ROBO2: variants seen among roughly 807,000 people sequenced by gnomAD.
ROBO2 encodes the protein roundabout guidance receptor 2, also known as roundabout homolog 2.
ROBO2 carries 53 observed loss-of-function variants against 160.8 expected under a neutral mutation model. That is an observed-to-expected ratio of 0.33 (90% CI 0.26 to 0.41). The LOEUF is 0.41. Among genes scored for constraint, ROBO2 ranks in the 10% least tolerant of loss-of-function variants. The pLI, the probability that ROBO2 is intolerant of heterozygous loss-of-function variation, is 1.00. For missense variants in ROBO2, 1,577 were observed against 1,722.4 expected (o/e 0.92, Z 1.49); for synonymous variants, 664 against 611.7 (o/e 1.09, Z -1.26).
chr3:76,367,881 A>G (rs1432322154), intron 2 of ROBO2, among the ~76,000 whole-genome samples: 1 of 151,776 alleles, frequency 6.6e-6, no homozygotes, highest in Non-Finnish European at 1.5e-5. Flanking sequence ...ACAAGGAAAT[A>G]TTTATCAATA....
intron 2 of ROBO2, among the ~76,000 whole-genome samples, chr3:77,001,271 G>A (rs376853552): frequency 2.4e-4 from 36 of 152,160 alleles, no homozygotes; most frequent in African/African-American, 8.2e-4. Context: ...AATGCCAGTA[G>A]TATCAGAGTT....
At chr3:76,261,798 T>A (rs531620555) in intron 2 of ROBO2, among the ~76,000 whole-genome samples, 1 of 152,130 alleles carries the variant, frequency 6.6e-6, no homozygotes, top group African/African-American at 2.4e-5. Flanking sequence ...CTATTTGAAA[T>A]AGCAATTCCT....
chr3:76,436,650 A>G (rs1255853505), intron 2 of ROBO2, among the ~76,000 whole-genome samples: 4 of 152,306 alleles, frequency 2.6e-5, no homozygotes, highest in Middle Eastern at 3.4e-3. Flanking sequence ...AGTTATACAG[A>G]AAATAGAATA....
At chr3:76,631,155 A>G (rs1192727466) in intron 2 of ROBO2, among the ~76,000 whole-genome samples, 1 of 152,222 alleles carries the variant, frequency 6.6e-6, no homozygotes, top group Non-Finnish European at 1.5e-5. Flanking sequence ...AGGCTATAGT[A>G]CATTTTATGA....
At chr3:76,240,755 C>G (rs1705236849) in intron 2 of ROBO2, among the ~76,000 whole-genome samples, 2 of 151,908 alleles carry the variant, frequency 1.3e-5, no homozygotes, top group Admixed American at 1.3e-4. Flanking sequence ...TTATCATTAT[C>G]CAATTGGTAG....
At chr3:76,805,598 A>T (rs1028065362) in intron 2 of ROBO2, among the ~76,000 whole-genome samples, 1 of 151,912 alleles carries the variant, frequency 6.6e-6, no homozygotes, top group African/African-American at 2.4e-5. Context: ...CAATTTTAGT[A>T]GTAACATAGA....
intron 2 of ROBO2, among the ~76,000 whole-genome samples, chr3:77,020,747 G>T (rs142439980): frequency 6.6e-6 from 1 of 152,230 alleles, no homozygotes; most frequent in East Asian, 1.9e-4. Context: ...ACTATAAAGC[G>T]CTATGCAGAG....
chr3:76,670,090 T>C (rs552014848), intron 2 of ROBO2, among the ~76,000 whole-genome samples: 43 of 152,308 alleles, frequency 2.8e-4, no homozygotes, highest in African/African-American at 1.0e-3. Context: ...TTTATATTGA[T>C]TTGATAACTC....
intron 2 of ROBO2, among the ~76,000 whole-genome samples, chr3:76,009,502 TTCTGGGGTAGCATGTTCTGAACCCAATGC>T (rs2066133203): frequency 6.6e-6 from 1 of 152,186 alleles, no homozygotes; most frequent in Non-Finnish European, 1.5e-5. Flanking sequence ...AGGTGCCATA[TTCTGGGGTAGCATGTTCTGAACCCAATGC>T]TCTGGGGTAG....
intron 2 of ROBO2, among the ~76,000 whole-genome samples, chr3:76,221,993 C>A (rs1703997697): frequency 6.6e-6 from 1 of 152,122 alleles, no homozygotes; most frequent in African/African-American, 2.4e-5. Context: ...GCTGATCACC[C>A]TGGGGAATAA....
chr3:76,320,061 T>C (rs1287037464), intron 2 of ROBO2, among the ~76,000 whole-genome samples: 2 of 152,108 alleles, frequency 1.3e-5, no homozygotes, highest in Admixed American at 1.3e-4. Flanking sequence ...TAGTCCAATT[T>C]GCTATTTAAA....
chr3:77,547,104 G>A (rs2092726632), intron 7 of ROBO2, among the ~76,000 whole-genome samples: 1 of 151,858 alleles, frequency 6.6e-6, no homozygotes, highest in Non-Finnish European at 1.5e-5. Context: ...GCCCTCTCTG[G>A]GCAACATGGC....
intron 2 of ROBO2, among the ~76,000 whole-genome samples, chr3:76,753,576 A>G (rs1476759899): frequency 2.6e-5 from 4 of 151,894 alleles, no homozygotes. Context: ...ATCTAAAACA[A>G]TTTCTTCAAA....
At chr3:76,147,046 T>A (rs2071936625) in intron 2 of ROBO2, among the ~76,000 whole-genome samples, 1 of 151,266 alleles carries the variant, frequency 6.6e-6, no homozygotes. Flanking sequence ...GGTAAAATAA[T>A]CTGTACAGCA....
intron 2 of ROBO2, among the ~76,000 whole-genome samples, chr3:77,253,696 G>A (rs2090626825): frequency 6.6e-6 from 1 of 152,136 alleles, no homozygotes; most frequent in Non-Finnish European, 1.5e-5. Flanking sequence ...AATGTCATCA[G>A]AGAGGCAATG....
chr3:76,452,310 A>G (rs901620876), intron 2 of ROBO2, among the ~76,000 whole-genome samples: 6 of 151,962 alleles, frequency 3.9e-5, no homozygotes, highest in Non-Finnish European at 8.8e-5. Context: ...TGTATCTCCT[A>G]ATGCTATCCC....
intron 2 of ROBO2, among the ~76,000 whole-genome samples, chr3:76,412,043 A>G (rs986569196): frequency 3.3e-5 from 5 of 152,190 alleles, no homozygotes; most frequent in Admixed American, 2.6e-4. Flanking sequence ...ACAGTTCCAC[A>G]TGGCTGGGGA....
chr3:77,561,767 G>A (rs891825687), intron 9 of ROBO2, among the ~76,000 whole-genome samples: 1 of 151,890 alleles, frequency 6.6e-6, no homozygotes, highest in Non-Finnish European at 1.5e-5. Flanking sequence ...TTACATATAA[G>A]TGAATATTGA....
rs5850279 is a variant in ROBO2, at chr3:76,654,929, T to TA, written c.110-443085_110-443084insA. On this transcript the variant is annotated intron_variant, in intron 2 of 26. Transcript: ENST00000487694. ...TATGTGTGTGTATATATATATATAT[T>TA]TATATATATAAATTTAAAGTTCAAA... Among the ~76,000 whole-genome samples, 1,213 of 141,420 alleles carry TA rather than the reference T, an allele frequency of 8.6e-3. 22 individuals carry two copies. Among genetic ancestry groups the TA allele is most frequent in the South Asian group, 0.03 (132 of 4,372 alleles). 92.8% of individuals were successfully genotyped at this position (141,420 alleles called of 152,430 possible).
Sources: allele counts gnomAD v4.1 joint callset (sites outside exome capture counted in the v4.1 genomes callset), GRCh38; gene constraint gnomAD v4.1.1; transcripts MANE v1.5; gene names NCBI Gene and HGNC (gene_info 2026-07-23, HGNC 2026-07-21).